MCHR2: variants seen among roughly 807,000 people sequenced by gnomAD.
The protein encoded by MCHR2 is melanin-concentrating hormone receptor 2.
In MCHR2, 15 loss-of-function variants were observed where a neutral mutation model predicts 24.8. The observed-to-expected ratio is 0.60, with a 90% CI of 0.40 to 0.93. The LOEUF (loss-of-function observed/expected upper bound fraction) is 0.93, where lower values mean the gene tolerates loss of function less well. Ranked by LOEUF, MCHR2 falls within the 40% of genes least tolerant of loss-of-function variation. The probability of loss-of-function intolerance (pLI) is 0.00; values close to 1 mark genes in which losing one functional copy is unlikely to be tolerated. For synonymous variants in MCHR2, 151 were observed against 147.6 expected (o/e 1.02, Z -0.17); for missense variants, 386 against 408.7 (o/e 0.94, Z 0.48).
intron 4 of MCHR2, among the ~76,000 whole-genome samples, chr6:99,939,305 C>A (rs191577554): frequency 1.1e-4 from 16 of 151,960 alleles, no homozygotes; most frequent in Admixed American, 8.5e-4. Flanking sequence ...ATTTCTCTGG[C>A]GGAATGTCTT....
chr6:99,989,488 C>T (rs1036171807), intron 1 of MCHR2, among the ~76,000 whole-genome samples: 5 of 152,122 alleles, frequency 3.3e-5, no homozygotes, highest in Admixed American at 2.6e-4. Flanking sequence ...GAGGATATTG[C>T]TCAGGTTCCT....
rs188769840 is a variant in MCHR2 at position 99,941,412 on chromosome 6, A to G, written c.587+1537T>C. On this transcript the variant is annotated intron_variant, in intron 4 of 5. Transcript: ENST00000281806. ...GGGGGCATTCAGTCAGCTTGCTTCT[A>G]TGCTGCCATTTTGGAACTGGAAGTG... 3.9e-5 allele frequency among the ~76,000 whole-genome samples: 6 copies of G among 152,020 alleles called. No individual in the cohort carries two copies. The East Asian group carries it at 1.2e-3, about 30-fold the overall frequency.
At chr6:99,934,663 T>A in intron 4 of MCHR2, 146 bp from the exon 5 acceptor site, 1 of 686,724 alleles carries the variant, frequency 1.5e-6, no homozygotes, top group East Asian at 3.3e-5. Flanking sequence ...AAGCTCAAGA[T>A]CTTTGGTTGC....
intron 4 of MCHR2, among the ~76,000 whole-genome samples, chr6:99,939,118 C>A (rs1774724392): frequency 6.6e-6 from 1 of 151,930 alleles, no homozygotes; most frequent in Non-Finnish European, 1.5e-5. Context: ...ATAGTTGAGT[C>A]TTGTTTCTTT....
chr6:99,945,945 A>C (rs1029808585), intron 3 of MCHR2, among the ~76,000 whole-genome samples: 2 of 152,108 alleles, frequency 1.3e-5, no homozygotes, highest in Non-Finnish European at 2.9e-5. Flanking sequence ...AAACATACAC[A>C]GTTTGTCTCT....
chr6:99,932,736 T>C (rs1053904453), intron 5 of MCHR2, among the ~76,000 whole-genome samples: 1 of 151,870 alleles, frequency 6.6e-6, no homozygotes, highest in African/African-American at 2.4e-5. Context: ...TCATGAAAAA[T>C]AAGGAAAGAG....
chr6:99,934,339 T>C (rs1370859378), intron 5 of MCHR2, 59 bp downstream of exon 5: 51 of 1,421,628 alleles, frequency 3.6e-5, no homozygotes, highest in Non-Finnish European at 4.5e-5. Flanking sequence ...GTTTCTATTG[T>C]AGATGTCTTA....
At chr6:99,933,026 T>G (rs981383349) in intron 5 of MCHR2, among the ~76,000 whole-genome samples, 1 of 152,128 alleles carries the variant, frequency 6.6e-6, no homozygotes, top group Non-Finnish European at 1.5e-5. Context: ...TACTATCTAC[T>G]TTTTTAGAAA....
chr6:99,931,868 C>T (rs567856793), intron 5 of MCHR2, among the ~76,000 whole-genome samples: 1 of 152,174 alleles, frequency 6.6e-6, no homozygotes, highest in Non-Finnish European at 1.5e-5. Context: ...CTGTCTGGCA[C>T]TCCCTAGTGA....
chr6:99,931,338 T>C (rs1774529983), intron 5 of MCHR2, among the ~76,000 whole-genome samples: 1 of 152,160 alleles, frequency 6.6e-6, no homozygotes, highest in Non-Finnish European at 1.5e-5. Flanking sequence ...TCTCCAGCTG[T>C]GTGCTGGGAG....
At chr6:99,975,752 C>T (rs934293517) in intron 1 of MCHR2, among the ~76,000 whole-genome samples, 2 of 152,256 alleles carry the variant, frequency 1.3e-5, no homozygotes, top group South Asian at 2.1e-4. Context: ...AACATACTCA[C>T]TACTTCATTT....
chr6:99,933,824 A>T (rs9373294), intron 5 of MCHR2, among the ~76,000 whole-genome samples: 43,536 of 151,922 alleles, frequency 0.29, 7,344 homozygotes, highest in Admixed American at 0.41. Context: ...TGTGGAATAC[A>T]CAATCTCAAG....
chr6:99,968,001 A>G (rs1420248780), intron 1 of MCHR2, among the ~76,000 whole-genome samples: 1 of 152,244 alleles, frequency 6.6e-6, no homozygotes, highest in African/African-American at 2.4e-5. Flanking sequence ...AACAGTAATA[A>G]TAATAGTACC....
Position 99,971,885 on chromosome 6 carries a change from C to T in MCHR2, c.-27-15711G>A, listed in dbSNP as rs547201832. Among the ~76,000 whole-genome samples, 43 of 152,286 alleles carry T rather than the reference C, an allele frequency of 2.8e-4. No homozygotes were observed. In the East Asian group the frequency reaches 8.3e-3, roughly 29 times the overall value. On this transcript the variant is annotated intron_variant, in intron 1 of 5. Transcript: ENST00000281806. ...CATTTATTGATTTATGTATGTTGAA[C>T]CAGCCTTGCATCCCAGGGATGAAGC...
At chr6:99,988,509 T>C (rs561267417) in intron 1 of MCHR2, among the ~76,000 whole-genome samples, 18 of 152,300 alleles carry the variant, frequency 1.2e-4, no homozygotes, top group Non-Finnish European at 2.5e-4. Context: ...CACATGCTCT[T>C]TGCCAAACCA....
intron 1 of MCHR2, among the ~76,000 whole-genome samples, chr6:99,963,786 G>A (rs1453464476): frequency 1.3e-5 from 2 of 151,896 alleles, no homozygotes; most frequent in South Asian, 2.1e-4. Context: ...GGTAAACTAT[G>A]TTTGCAAAAA....
At chr6:99,971,889 C>G (rs1390796436) in intron 1 of MCHR2, among the ~76,000 whole-genome samples, 2 of 152,154 alleles carry the variant, frequency 1.3e-5, no homozygotes, top group African/African-American at 4.8e-5. Context: ...GTTGAACCAG[C>G]CTTGCATCCC....
intron 5 of MCHR2, among the ~76,000 whole-genome samples, chr6:99,923,830 G>T (rs1774294339): frequency 6.6e-6 from 1 of 151,976 alleles, no homozygotes; most frequent in African/African-American, 2.4e-5. Context: ...CTAATATTTT[G>T]TTGTGAATTT....
rs1399692351 is a variant in MCHR2 at position 99,975,042 on chromosome 6, T to G, written c.-27-18868A>C. ...GTCAGGGACCCACTTGAGGAGGCAG[T>G]CTGCCCGTTCTCAGATCTCCAGCTG... is the stretch of plus-strand genomic sequence containing the variant. On this transcript the variant is annotated intron_variant, in intron 1 of 5. Transcript: ENST00000281806. Among the ~76,000 whole-genome samples the G allele has an allele frequency of 2.0e-5, 3 of 152,204 alleles. No homozygotes were observed. In the East Asian group the frequency reaches 5.8e-4, roughly 29 times the overall value.
Sources: allele counts gnomAD v4.1 joint callset (sites outside exome capture counted in the v4.1 genomes callset), GRCh38; gene constraint gnomAD v4.1.1; transcripts MANE v1.5; gene names NCBI Gene and HGNC (gene_info 2026-07-23, HGNC 2026-07-21).